The following ABI1 variants were observed in gnomAD, a reference collection of about 807,000 sequenced individuals.
ABI1 encodes Abelson interactor 1.
In ABI1, 14 loss-of-function variants were observed where a neutral mutation model predicts 54.6. The ratio of observed to expected loss-of-function variants is 0.26; its 90% CI spans 0.17 to 0.40. ABI1 has a LOEUF of 0.40. Among genes scored for constraint, ABI1 ranks in the 10% least tolerant of loss-of-function variants. The pLI is 1.00. For synonymous variants in ABI1, 194 were observed against 209.3 expected (o/e 0.93, Z 0.63); for missense variants, 443 against 598.3 (o/e 0.74, Z 2.71).
At chr10:26,788,117 G>A (rs147324219) in intron 2 of ABI1, among the ~76,000 whole-genome samples, 2,351 of 152,200 alleles carry the variant, frequency 0.015, 51 homozygotes, top group African/African-American at 0.054. Flanking sequence ...TACTGTTCTC[G>A]TGGTAGTGAA....
chr10:26,752,261 C>A (rs1837730685), intron 9 of ABI1, among the ~76,000 whole-genome samples: 1 of 152,112 alleles, frequency 6.6e-6, no homozygotes, highest in Non-Finnish European at 1.5e-5. Context: ...CTCCTGTGGA[C>A]AGATTTTTGT....
At chr10:26,821,921 T>C (rs900774371) in intron 2 of ABI1, among the ~76,000 whole-genome samples, 2 of 151,294 alleles carry the variant, frequency 1.3e-5, no homozygotes, top group Non-Finnish European at 2.9e-5. Flanking sequence ...GAAAAACAAA[T>C]AAACAGAATA....
chr10:26,858,045 A>G (rs907842336), intron 1 of ABI1, among the ~76,000 whole-genome samples: 1 of 152,208 alleles, frequency 6.6e-6, no homozygotes, highest in African/African-American at 2.4e-5. Flanking sequence ...ACTGGACTGC[A>G]CTTTCAAACT....
At chr10:26,781,825 T>C (rs769535984) in intron 2 of ABI1, among the ~76,000 whole-genome samples, 1 of 152,188 alleles carries the variant, frequency 6.6e-6, no homozygotes, top group African/African-American at 2.4e-5. Context: ...AGACCAATTA[T>C]AATCAAGCCA....
intron 9 of ABI1, among the ~76,000 whole-genome samples, chr10:26,754,320 T>A (rs963743448): frequency 6.6e-6 from 1 of 152,212 alleles, no homozygotes; most frequent in African/African-American, 2.4e-5. Flanking sequence ...TGGCTAATTT[T>A]TTATTTTTTT....
At chr10:26,839,749 G>C in intron 1 of ABI1, 1 of 701,522 alleles carries the variant, frequency 1.4e-6, no homozygotes, top group South Asian at 1.5e-5. Flanking sequence ...CCAGGAGTTT[G>C]AGAGCAGACA....
chr10:26,826,179 T>C (rs2048293846), intron 1 of ABI1, among the ~76,000 whole-genome samples: 1 of 152,198 alleles, frequency 6.6e-6, no homozygotes, highest in African/African-American at 2.4e-5. Flanking sequence ...ATTTCTTAAA[T>C]AGTAAGATTG....
chr10:26,809,177 C>T (rs190244985), intron 2 of ABI1, among the ~76,000 whole-genome samples: 36 of 146,280 alleles, frequency 2.5e-4, no homozygotes, highest in Admixed American at 1.5e-3. Flanking sequence ...GGCTGAGGCA[C>T]GAGAATCACT....
intron 1 of ABI1, among the ~76,000 whole-genome samples, chr10:26,837,193 T>C (rs1287948908): frequency 3.3e-5 from 5 of 152,212 alleles, no homozygotes; most frequent in African/African-American, 7.2e-5. Flanking sequence ...AAATGTATTT[T>C]CTCACAGTTC....
intron 2 of ABI1, among the ~76,000 whole-genome samples, chr10:26,810,558 G>A (rs2047165864): frequency 6.6e-6 from 1 of 152,182 alleles, no homozygotes; most frequent in African/African-American, 2.4e-5. Context: ...TTAAGACTTT[G>A]CAGGCCATAT....
At chr10:26,788,071 G>A (rs1412679824) in intron 2 of ABI1, among the ~76,000 whole-genome samples, 1 of 152,182 alleles carries the variant, frequency 6.6e-6, no homozygotes, top group African/African-American at 2.4e-5. Flanking sequence ...GGGACATAGT[G>A]GGAGATAATT....
At chr10:26,807,394 T>G (rs1304540583) in intron 2 of ABI1, among the ~76,000 whole-genome samples, 2 of 151,862 alleles carry the variant, frequency 1.3e-5, no homozygotes, top group African/African-American at 4.8e-5. Flanking sequence ...AGGAGGAGGC[T>G]TCACCTGAGC....
At chr10:26,843,690 T>C (rs7914236) in intron 1 of ABI1, among the ~76,000 whole-genome samples, 3,076 of 151,334 alleles carry the variant, frequency 0.02, 111 homozygotes, top group African/African-American at 0.07. Flanking sequence ...GATAGTACCA[T>C]GCTGCCTTTC....
intron 2 of ABI1, among the ~76,000 whole-genome samples, chr10:26,817,019 T>TGTGA (rs747556215): frequency 3.3e-5 from 5 of 150,798 alleles, no homozygotes; most frequent in Non-Finnish European, 7.4e-5. Flanking sequence ...TGTGTGTGTG[T>TGTGA]GACGGAGTCT....
rs541925833 is a variant in ABI1 at position 26,827,016 on chromosome 10, A to C, written c.118-3711T>G. 1.5e-4 allele frequency among the ~76,000 whole-genome samples: 23 copies of C among 150,410 alleles called. No individual in the cohort carries two copies. The South Asian group carries it at 4.6e-3, about 30-fold the overall frequency. On this transcript the variant is annotated intron_variant, in intron 1 of 10. Coordinates refer to ENST00000376140, the MANE Select transcript of ABI1 (RefSeq NM_001012750.3). ...GCAACTTCCACCTCCCAGGTTCAAGAGATTCTCCTGCCTCAGCCTCCCAAG... is the reference window on the plus strand; with the variant it reads ...GCAACTTCCACCTCCCAGGTTCAAGCGATTCTCCTGCCTCAGCCTCCCAAG...
In ABI1 at chr10:26,823,200, A is replaced by G; in HGVS notation, c.223T>C (p.Leu75=). The G allele has an allele frequency of 1.2e-6, 2 of 1,605,656 alleles. No homozygotes were observed. The highest frequency in any genetic ancestry group is 1.7e-6 in the Non-Finnish European group (2 of 1,177,394). The change falls in exon 2 of 11, where the codon TTG becomes CTG. Residue 75 remains leucine (L), a synonymous_variant. Coordinates refer to ENST00000376140, the MANE Select transcript of ABI1 (RefSeq NM_001012750.3). ...AGCTGAGAGGCTTGGATATCCAGCA[A>G]CTGGAGTACATTGTTGGCCAATGCA... ...INALANNVLQ[L]LDIQASQLRR... is the part of the protein sequence containing the mutation.
chr10:26,749,309 A>AT (rs1837325167), intron 10 of ABI1, among the ~76,000 whole-genome samples: 1 of 152,062 alleles, frequency 6.6e-6, no homozygotes, highest in Non-Finnish European at 1.5e-5. Flanking sequence ...GGTGTCTGTA[A>AT]TTTTTTCAGT....
intron 1 of ABI1, among the ~76,000 whole-genome samples, chr10:26,834,646 A>T (rs2133962176): frequency 6.6e-6 from 1 of 152,008 alleles, no homozygotes; most frequent in Middle Eastern, 3.4e-3. Context: ...ATTCAACATC[A>T]TTAATCAGAG....
At chr10:26,768,003 G>A (rs550556216) in intron 6 of ABI1, among the ~76,000 whole-genome samples, 19 of 150,438 alleles carry the variant, frequency 1.3e-4, no homozygotes, top group South Asian at 2.1e-4. Context: ...CCGAGATCGC[G>A]TCACTGCACT....
Sources: allele counts gnomAD v4.1 joint callset (sites outside exome capture counted in the v4.1 genomes callset), GRCh38; gene constraint gnomAD v4.1.1; transcripts MANE v1.5; gene names NCBI Gene and HGNC (gene_info 2026-07-23, HGNC 2026-07-21).